The following DUXA variants were observed in gnomAD, a reference collection of about 807,000 sequenced individuals.
The protein encoded by DUXA is double homeobox protein A.
In DUXA, 25 loss-of-function variants were observed where a neutral mutation model predicts 27.5. That is an observed-to-expected ratio of 0.91 (90% CI 0.66 to 1.27). DUXA has a LOEUF of 1.27. DUXA is among the 50% of genes most tolerant of loss of function. The pLI is 0.00. For synonymous variants in DUXA, 90 were observed against 80.5 expected (o/e 1.12, Z -0.63); for missense variants, 247 against 242.9 (o/e 1.02, Z -0.11).
At chr19:57,165,324 AATATATATAT>A (rs74179420) in intron 1 of DUXA, among the ~76,000 whole-genome samples, 4 of 89,286 alleles carry the variant, frequency 4.5e-5, no homozygotes, top group Non-Finnish European at 9.1e-5. Context: ...AAAAAAAAAA[AATATATATAT>A]ATATATATAT....
At chr19:57,167,068 G>C (rs1179027352) in intron 1 of DUXA, among the ~76,000 whole-genome samples, 1 of 152,150 alleles carries the variant, frequency 6.6e-6, no homozygotes, top group Non-Finnish European at 1.5e-5. Context: ...TTGATTCCAA[G>C]GATATTTTGA....
rs367920258 is a variant in DUXA, at chr19:57,159,119, C to T, written c.292+48G>A. On this transcript the variant is annotated intron_variant, in intron 3 of 5. Transcript: ENST00000554048. ...CTTTTTTCAAAGTCGCAGTTGGCTCCGCCGTAGAGAAGCTCTGCTGGGGAA... is the reference window on the plus strand; with the variant it reads ...CTTTTTTCAAAGTCGCAGTTGGCTCTGCCGTAGAGAAGCTCTGCTGGGGAA... 57 of 1,534,288 alleles carry T rather than the reference C, an allele frequency of 3.7e-5. No homozygotes were observed. In the African/African-American group the frequency reaches 4.6e-4, roughly 12 times the overall value.
intron 1 of DUXA, among the ~76,000 whole-genome samples, chr19:57,163,091 C>G (rs545424941): frequency 6.6e-6 from 1 of 152,152 alleles, no homozygotes; most frequent in South Asian, 2.1e-4. Context: ...GCCATGATAT[C>G]TAACTTCCAT....
chr19:57,158,553 C>A, intron 3 of DUXA, 80 bp from the exon 4 acceptor site: 2 of 1,524,862 alleles, frequency 1.3e-6, no homozygotes, highest in East Asian at 2.3e-5. Flanking sequence ...ACACAGAACC[C>A]AAACTTGTCA....
intron 1 of DUXA, among the ~76,000 whole-genome samples, chr19:57,166,560 G>A (rs988338251): frequency 4.6e-5 from 7 of 152,162 alleles, no homozygotes; most frequent in African/African-American, 1.2e-4. Flanking sequence ...TGCCCACCGC[G>A]GCCTCCCAAA....
At chr19:57,156,007 T>C (rs984318389) in intron 4 of DUXA, among the ~76,000 whole-genome samples, 4 of 152,138 alleles carry the variant, frequency 2.6e-5, no homozygotes, top group Non-Finnish European at 2.9e-5. Flanking sequence ...TGAGAGTCTA[T>C]AAGGCCTAAA....
chr19:57,166,914 T>C (rs1195350373), intron 1 of DUXA, among the ~76,000 whole-genome samples: 1 of 152,192 alleles, frequency 6.6e-6, no homozygotes, highest in East Asian at 1.9e-4. Context: ...GATATGAACA[T>C]AGGGAATTCA....
At chr19:57,167,358 G>A in intron 1 of DUXA, 61 bp downstream of exon 1, 1 of 1,606,426 alleles carries the variant, frequency 6.2e-7, no homozygotes. Flanking sequence ...AGACCACTGG[G>A]TTTTTAGCCC....
At chr19:57,162,098 C>CTGGT (rs781452724) in intron 1 of DUXA, among the ~76,000 whole-genome samples, 11 of 152,140 alleles carry the variant, frequency 7.2e-5, no homozygotes, top group Middle Eastern at 3.4e-3. Flanking sequence ...GTTGTCCAGG[C>CTGGT]TGGTCTCAAA....
At chr19:57,154,539 C>A in intron 5 of DUXA, 57 bp from the exon 6 acceptor site, 1 of 1,345,058 alleles carries the variant, frequency 7.4e-7, no homozygotes, top group Non-Finnish European at 1.1e-6. Context: ...TATTCACAAA[C>A]ATGGACGTCA....
Position 57,160,800 on chromosome 19 carries a change from G to A in DUXA, c.26-3C>T. 6.2e-7 allele frequency: 1 copy of A among 1,613,440 alleles called. No homozygotes were observed. The highest frequency in any genetic ancestry group is 8.5e-7 in the Non-Finnish European group (1 of 1,179,904). On this transcript the variant is annotated splice_polypyrimidine_tract_variant and splice_region_variant and intron_variant, in intron 1 of 5. Transcript: ENST00000554048. The stretch of plus-strand genomic sequence containing the variant: ...CCTATGATTTGTTTTTACCATCTCT[G>A]TAGGAAGATTACAAAAGAAGAAGCA...
chr19:57,163,490 C>G (rs2087035143), intron 1 of DUXA, among the ~76,000 whole-genome samples: 1 of 151,558 alleles, frequency 6.6e-6, no homozygotes, highest in Non-Finnish European at 1.5e-5. Flanking sequence ...GTTCCCCAGG[C>G]TAGAGTTCAG....
At chr19:57,156,703 T>C (rs192617157) in intron 4 of DUXA, among the ~76,000 whole-genome samples, 3 of 152,248 alleles carry the variant, frequency 2.0e-5, no homozygotes, top group Non-Finnish European at 4.4e-5. Context: ...TCGCCCTTGT[T>C]GCCCAGGCTG....
chr19:57,161,361 C>T (rs1486728948), intron 1 of DUXA, among the ~76,000 whole-genome samples: 14 of 127,266 alleles, frequency 1.1e-4, no homozygotes, highest in South Asian at 2.6e-4. Context: ...CGGTGGCTCA[C>T]ACCTGTAATC....
chr19:57,163,850 C>T (rs12609681), intron 1 of DUXA, among the ~76,000 whole-genome samples: 1 of 152,026 alleles, frequency 6.6e-6, no homozygotes, highest in Non-Finnish European at 1.5e-5. Flanking sequence ...AGTTTCCAAC[C>T]CATTATCTTA....
rs1208556480 is a variant in DUXA, at chr19:57,154,355, C to T, written c.*57G>A. On this transcript the variant is annotated 3_prime_UTR_variant, in exon 6 of 6. Coordinates refer to ENST00000554048, the MANE Select transcript of DUXA (RefSeq NM_001012729.2). ...CAGAAGGATAGACTCCCAGGAAGAC[C>T]GTGAGACAGATTTGGGGTCCAGTTG... 1.1e-5 allele frequency: 17 copies of T among 1,505,436 alleles called. No homozygotes were observed. Among genetic ancestry groups the T allele is most frequent in the Admixed American group, 3.4e-5 (2 of 59,418 alleles). 93.3% of individuals were successfully genotyped at this position (1,505,436 alleles called of 1,614,324 possible).
chr19:57,161,485 C>T lies in DUXA; in HGVS notation c.26-688G>A, dbSNP rs1167815770. ...AAAAATACAAAAAATTAGCCGGGCG[C>T]AGTGGCGGGCACCTGTAGTCCCAGC... On this transcript the variant is annotated intron_variant, in intron 1 of 5. Transcript: ENST00000554048. Among the ~76,000 whole-genome samples, 381 of 145,360 alleles carry T rather than the reference C, an allele frequency of 2.6e-3. 10 individuals carry two copies. Among genetic ancestry groups the T allele is most frequent in the African/African-American group, 6.6e-3 (241 of 36,400 alleles).
intron 1 of DUXA, among the ~76,000 whole-genome samples, chr19:57,165,698 G>A (rs1463653905): frequency 1.3e-5 from 2 of 151,256 alleles, no homozygotes; most frequent in Non-Finnish European, 2.9e-5. Flanking sequence ...CCAGCTACTC[G>A]GGAGGCTGAG....
chr19:57,155,413 G>A (rs376461509), intron 4 of DUXA, 41 bp from the exon 5 acceptor site: 2 of 1,481,652 alleles, frequency 1.3e-6, no homozygotes, highest in African/African-American at 2.8e-5. Context: ...AACAAAGAAT[G>A]TTGTGTAAAA....
Sources: allele counts gnomAD v4.1 joint callset (sites outside exome capture counted in the v4.1 genomes callset), GRCh38; gene constraint gnomAD v4.1.1; transcripts MANE v1.5; gene names NCBI Gene and HGNC (gene_info 2026-07-23, HGNC 2026-07-21).